The following USP10 variants were observed in gnomAD, a reference collection of about 807,000 sequenced individuals.
USP10 encodes the protein ubiquitin carboxyl-terminal hydrolase 10.
Under a neutral mutation model 84.5 loss-of-function variants are expected in USP10, and 22 were observed. The ratio of observed to expected loss-of-function variants is 0.26; its 90% CI spans 0.19 to 0.37. The LOEUF is 0.37. Ranked by LOEUF, USP10 falls within the 10% of genes least tolerant of loss-of-function variation. The pLI, the probability that USP10 is intolerant of heterozygous loss-of-function variation, is 1.00. For synonymous variants in USP10, 454 were observed against 387.6 expected (o/e 1.17, Z -2.01); for missense variants, 1,019 against 998.9 (o/e 1.02, Z -0.27).
At chr16:84,702,588 C>G (rs1905025687) in intron 1 of USP10, among the ~76,000 whole-genome samples, 1 of 152,094 alleles carries the variant, frequency 6.6e-6, no homozygotes, top group Non-Finnish European at 1.5e-5. Context: ...ATGTATATTA[C>G]TTGTTTATGT....
At chr16:84,719,384 C>G (rs558788387) in intron 1 of USP10, among the ~76,000 whole-genome samples, 1 of 152,204 alleles carries the variant, frequency 6.6e-6, no homozygotes, top group Non-Finnish European at 1.5e-5. Context: ...TGCCCCTACA[C>G]AGTGATTCTA....
chr16:84,775,374 G>C (rs1251330881), intron 13 of USP10, 149 bp downstream of exon 13: 1 of 707,044 alleles, frequency 1.4e-6, no homozygotes, highest in East Asian at 2.7e-5. Flanking sequence ...TCACGTGAGA[G>C]TTTTACCTGA....
chr16:84,737,762 C>CA (rs1910118759), intron 2 of USP10, among the ~76,000 whole-genome samples: 1 of 152,216 alleles, frequency 6.6e-6, no homozygotes, highest in African/African-American at 2.4e-5. Context: ...CCTCATCTGT[C>CA]AGAGGGCCAC....
chr16:84,761,290 A>G (rs1289503468), intron 8 of USP10, among the ~76,000 whole-genome samples: 1 of 152,218 alleles, frequency 6.6e-6, no homozygotes, highest in Non-Finnish European at 1.5e-5. Flanking sequence ...CCCCTCTTGG[A>G]TCGTGCACAG....
chr16:84,762,054 T>C (rs982635091), intron 8 of USP10, among the ~76,000 whole-genome samples: 5 of 152,256 alleles, frequency 3.3e-5, no homozygotes, highest in African/African-American at 9.6e-5. Flanking sequence ...GCAGTTGTGC[T>C]GTGAAGAATG....
Position 84,763,172 on chromosome 16 carries a change from C to G in USP10, c.1654+84C>G, listed in dbSNP as rs1004943864. On this transcript the variant is annotated intron_variant, in intron 9 of 13. Transcript: ENST00000219473. ...CATACTCATATGTTATGTTGCTTCC[C>G]TGCCCCTCAGTCGTTTTCCTTTCAA... The G allele has an allele frequency of 4.0e-6, 3 of 742,738 alleles. No individual in the cohort carries two copies. The South Asian group carries it at 6.3e-5, about 15-fold the overall frequency. The allele number at this position is 742,738 out of a possible 1,614,324, so 46.0% of individuals were successfully genotyped here. A position where few individuals can be genotyped will look rare whatever the true frequency, so the allele number is the denominator to read the frequency against.
chr16:84,770,886 T>A (rs915299298), intron 11 of USP10, among the ~76,000 whole-genome samples: 1 of 151,878 alleles, frequency 6.6e-6, no homozygotes, highest in Non-Finnish European at 1.5e-5. Flanking sequence ...GCCAACATGT[T>A]GAAACCCCAT....
chr16:84,745,885 A>C (rs1911172404), intron 4 of USP10, among the ~76,000 whole-genome samples: 1 of 152,226 alleles, frequency 6.6e-6, no homozygotes, highest in Non-Finnish European at 1.5e-5. Context: ...TGTTAAGTGA[A>C]AGATCCATGT....
chr16:84,730,544 T>C (rs1254665136), intron 1 of USP10, among the ~76,000 whole-genome samples: 1 of 152,180 alleles, frequency 6.6e-6, no homozygotes, highest in Non-Finnish European at 1.5e-5. Flanking sequence ...CAGTGAACCG[T>C]TTCTGAGCGT....
intron 1 of USP10, among the ~76,000 whole-genome samples, chr16:84,706,972 A>G (rs1470469549): frequency 6.6e-6 from 1 of 152,198 alleles, no homozygotes; most frequent in East Asian, 1.9e-4. Flanking sequence ...TATAAACTCT[A>G]TAAACTGCAT....
At chr16:84,778,137 A>G (rs1166223272) in intron 13 of USP10, among the ~76,000 whole-genome samples, 1 of 102,726 alleles carries the variant, frequency 9.7e-6, no homozygotes, top group African/African-American at 3.3e-5. Context: ...GTTAAAACAT[A>G]GAAAAATGGG....
chr16:84,759,993 TG>T (rs1913020150), intron 7 of USP10, 47 bp downstream of exon 7: 1 of 1,600,956 alleles, frequency 6.2e-7, no homozygotes. Flanking sequence ...TTGGGAGTTA[TG>T]GAGACAGATG....
chr16:84,704,365 T>G (rs891700001), intron 1 of USP10, among the ~76,000 whole-genome samples: 1 of 152,236 alleles, frequency 6.6e-6, no homozygotes, highest in Non-Finnish European at 1.5e-5. Context: ...CTGCCACACA[T>G]GCAAGAATCA....
chr16:84,746,776 T>G (rs1396967184), intron 4 of USP10, among the ~76,000 whole-genome samples: 4 of 152,200 alleles, frequency 2.6e-5, no homozygotes, highest in African/African-American at 7.2e-5. Flanking sequence ...TTTTCCTCAA[T>G]AAGAAATTAA....
intron 1 of USP10, among the ~76,000 whole-genome samples, 180 bp downstream of exon 1, chr16:84,700,291 C>T (rs1359517055): frequency 6.6e-6 from 1 of 151,894 alleles, no homozygotes; most frequent in Non-Finnish European, 1.5e-5. Flanking sequence ...GCCGCGCCTT[C>T]GTCCCCTGAG....
intron 2 of USP10, among the ~76,000 whole-genome samples, chr16:84,735,784 A>G (rs1909855908): frequency 6.6e-6 from 1 of 152,194 alleles, no homozygotes; most frequent in African/African-American, 2.4e-5. Flanking sequence ...ATTTTTTAAC[A>G]TACGGTGAAG....
intron 9 of USP10, 31 bp from the exon 10 acceptor site, chr16:84,764,055 T>C: frequency 6.3e-7 from 1 of 1,581,436 alleles, no homozygotes; most frequent in Non-Finnish European, 8.6e-7. Flanking sequence ...TTGTCGTAAA[T>C]AGTAGTGTAA....
intron 1 of USP10, among the ~76,000 whole-genome samples, chr16:84,718,834 C>A (rs968056501): frequency 6.6e-6 from 1 of 151,636 alleles, no homozygotes. Context: ...TCTCTGTCAC[C>A]CAGGCTGGAG....
At chr16:84,726,627 T>G (rs1908517532) in intron 1 of USP10, among the ~76,000 whole-genome samples, 1 of 152,198 alleles carries the variant, frequency 6.6e-6, no homozygotes, top group African/African-American at 2.4e-5. Flanking sequence ...CTTGTATATT[T>G]TTTTCCACAT....
Sources: gnomAD v4.1 joint callset for allele counts (sites outside exome capture counted in the v4.1 genomes callset) on GRCh38, gnomAD v4.1.1 for gene constraint, MANE v1.5 for transcripts, NCBI Gene and HGNC (gene_info 2026-07-23, HGNC 2026-07-21) for gene names.